MAP1LC3B: variants seen among roughly 807,000 people sequenced by gnomAD.
MAP1LC3B encodes the protein microtubule-associated protein 1 light chain 3 beta.
Under a neutral mutation model 16.7 loss-of-function variants are expected in MAP1LC3B, and 12 were observed. That is an observed-to-expected ratio of 0.72 (90% CI 0.46 to 1.16). The LOEUF (loss-of-function observed/expected upper bound fraction) is 1.16. MAP1LC3B is among the 50% of genes most tolerant of loss of function. The pLI is 0.00. For synonymous variants in MAP1LC3B, 63 were observed against 56.5 expected (o/e 1.11, Z -0.51); for missense variants, 155 against 159.5 (o/e 0.97, Z 0.15).
intron 1 of MAP1LC3B, among the ~76,000 whole-genome samples, chr16:87,395,072 C>G (rs1357201973): frequency 6.6e-6 from 1 of 152,134 alleles, no homozygotes; most frequent in Non-Finnish European, 1.5e-5. Flanking sequence ...TTCAGTTTCT[C>G]TCTGAGAAGT....
At chr16:87,398,925 G>A (rs987629873) in intron 2 of MAP1LC3B, 55 bp downstream of exon 2, 22 of 1,452,134 alleles carry the variant, frequency 1.5e-5, no homozygotes, top group African/African-American at 5.6e-5. Context: ...GGAGAGCACC[G>A]CATAAGTGCA....
At chr16:87,394,205 T>G (rs1907719443) in intron 1 of MAP1LC3B, among the ~76,000 whole-genome samples, 1 of 152,176 alleles carries the variant, frequency 6.6e-6, no homozygotes, top group Non-Finnish European at 1.5e-5. Context: ...AAATATCTCT[T>G]TAATAGTCAC....
intron 3 of MAP1LC3B, chr16:87,402,613 G>C: frequency 1.9e-6 from 1 of 536,742 alleles, no homozygotes; most frequent in East Asian, 3.2e-5. Context: ...GTGAGTGGCA[G>C]TAAATGGCAC....
intron 2 of MAP1LC3B, chr16:87,400,017 C>T (rs879439332): frequency 6.1e-5 from 10 of 164,440 alleles, no homozygotes; most frequent in Admixed American, 5.7e-4. Context: ...CATGATCCGC[C>T]CACCTCGGCC....
intron 1 of MAP1LC3B, among the ~76,000 whole-genome samples, chr16:87,395,603 G>T (rs1033936199): frequency 6.6e-6 from 1 of 152,206 alleles, no homozygotes; most frequent in Non-Finnish European, 1.5e-5. Context: ...CAGCCAGTTA[G>T]TTACTCCAGG....
intron 2 of MAP1LC3B, chr16:87,399,116 C>A (rs1567500276): frequency 2.0e-6 from 1 of 500,268 alleles, no homozygotes; most frequent in Non-Finnish European, 3.6e-6. Context: ...AAGCAGTCCT[C>A]CCTCCTCAGC....
At chr16:87,396,380 G>T (rs1368116218) in intron 1 of MAP1LC3B, among the ~76,000 whole-genome samples, 2 of 151,596 alleles carry the variant, frequency 1.3e-5, no homozygotes, top group African/African-American at 4.8e-5. Context: ...GATGCTGAGG[G>T]AGGAGAATGG....
Position 87,394,442 on chromosome 16 carries a change from C to T in MAP1LC3B, c.40+1975C>T, listed in dbSNP as rs570115997. Among the ~76,000 whole-genome samples the T allele has an allele frequency of 2.3e-3, 350 of 152,324 alleles. 1 individual carries two copies. The highest frequency in any genetic ancestry group is 8.0e-3 in the African/African-American group (334 of 41,568). On this transcript the variant is annotated intron_variant, in intron 1 of 3. Coordinates refer to ENST00000268607, the MANE Select transcript of MAP1LC3B (RefSeq NM_022818.5). ...CCCCAGTTAGCTTGAGTGGTGTTTT[C>T]TCTTTCCAAGTGAGTGAGTTTAAGG...
At chr16:87,398,912 A>G (rs751437781) in intron 2 of MAP1LC3B, 42 bp downstream of exon 2, 2 of 1,556,630 alleles carry the variant, frequency 1.3e-6, no homozygotes, top group South Asian at 2.2e-5. Context: ...GAATGTACGC[A>G]GAGGAGAGCA....
At chr16:87,402,696 TC>T (rs1319986378) in intron 3 of MAP1LC3B, 12 of 604,890 alleles carry the variant, frequency 2.0e-5, no homozygotes, top group Non-Finnish European at 2.6e-5. Flanking sequence ...TAACAGCTGT[TC>T]AGACAGTATA....
intron 2 of MAP1LC3B, chr16:87,400,258 A>C (rs1454046870): frequency 1.3e-5 from 2 of 149,342 alleles, no homozygotes; most frequent in Non-Finnish European, 3.0e-5. Context: ...GCTCACTGCA[A>C]GCTCCACCTC....
rs145549507 is a variant in MAP1LC3B at position 87,392,336 on chromosome 16, A to T, written c.-92A>T. On this transcript the variant is annotated 5_prime_UTR_variant, in exon 1 of 4. Coordinates refer to ENST00000268607, the MANE Select transcript of MAP1LC3B (RefSeq NM_022818.5). The stretch of plus-strand genomic sequence containing the variant: ...AGATACAAGGGAAGTGGCTATCGCC[A>T]GAGTCGGATTCGCCGCCGCAGCAGC... The T allele has an allele frequency of 4.7e-6, 6 of 1,266,550 alleles. No individual in the cohort carries two copies. Among genetic ancestry groups the T allele is most frequent in the African/African-American group, 1.6e-5 (1 of 62,658 alleles). The allele number at this position is 1,266,550 out of a possible 1,614,324, so 78.5% of individuals were successfully genotyped here.
In MAP1LC3B at chr16:87,392,353, C is replaced by T. The variant is rs1337562370; in HGVS notation, c.-75C>T. ...CTATCGCCAGAGTCGGATTCGCCGC[C>T]GCAGCAGCCGCCGCCCCCGGGAGCC... On this transcript the variant is annotated 5_prime_UTR_variant, in exon 1 of 4. Coordinates refer to ENST00000268607, the MANE Select transcript of MAP1LC3B (RefSeq NM_022818.5). 29 of 1,344,276 alleles carry T rather than the reference C, an allele frequency of 2.2e-5. No homozygotes were observed. Among genetic ancestry groups the T allele is most frequent in the African/African-American group, 3.1e-5 (2 of 64,428 alleles). 83.3% of individuals were successfully genotyped at this position (1,344,276 alleles called of 1,614,324 possible).
At chr16:87,401,718 C>T (rs1213192545) in intron 2 of MAP1LC3B, among the ~76,000 whole-genome samples, 1 of 152,056 alleles carries the variant, frequency 6.6e-6, no homozygotes, top group Non-Finnish European at 1.5e-5. Context: ...TTAGTAGAGT[C>T]GGGGTTTTGC....
intron 1 of MAP1LC3B, among the ~76,000 whole-genome samples, chr16:87,394,233 A>G (rs1393402222): frequency 4.6e-5 from 7 of 152,032 alleles, no homozygotes; most frequent in Admixed American, 2.6e-4. Context: ...AAATGTGTCA[A>G]ATATCTTAAC....
chr16:87,395,852 CTTTTTTTTTTTTTTTT>C lies in MAP1LC3B; in HGVS notation c.41-2952_41-2937del, dbSNP rs72388667. ...ATAGAGCCTGTTTTTTCCTTCTTTC[CTTTTTTTTTTTTTTTT>C]TTTTTTTTTTGAGACAGGATCTCGC... On this transcript the variant is annotated intron_variant, in intron 1 of 3. Coordinates refer to ENST00000268607, the MANE Select transcript of MAP1LC3B (RefSeq NM_022818.5). 3.7e-5 allele frequency among the ~76,000 whole-genome samples: 2 copies of C among 53,836 alleles called. 1 individual carries two copies. Among genetic ancestry groups the C allele is most frequent in the African/African-American group, 1.6e-4 (2 of 12,734 alleles). 35.3% of individuals were successfully genotyped at this position (53,836 alleles called of 152,430 possible).
chr16:87,396,263 C>G (rs375067706), intron 1 of MAP1LC3B, among the ~76,000 whole-genome samples: 20 of 151,824 alleles, frequency 1.3e-4, no homozygotes, highest in East Asian at 7.9e-4. Flanking sequence ...ATCACAAGGT[C>G]AGGAGATTGA....
intron 1 of MAP1LC3B, among the ~76,000 whole-genome samples, chr16:87,397,568 A>T (rs1286293852): frequency 6.6e-6 from 1 of 152,220 alleles, no homozygotes; most frequent in Non-Finnish European, 1.5e-5. Context: ...CAGTGAGCGG[A>T]GATTGCAGCA....
In MAP1LC3B at chr16:87,399,550, T is replaced by C. The variant is rs750201031; in HGVS notation, c.96+680T>C. ...AGCATTTTTCTTTCCCAAAGAAGCA[T>C]GTAAAGATTTCCCATTCCTGCCACT... On this transcript the variant is annotated intron_variant, in intron 2 of 3. Coordinates refer to ENST00000268607, the MANE Select transcript of MAP1LC3B (RefSeq NM_022818.5). The C allele has an allele frequency of 5.4e-5, 24 of 448,064 alleles. 1 individual carries two copies. The highest frequency in any genetic ancestry group is 3.8e-4 in the South Asian group (24 of 62,888). The allele number at this position is 448,064 out of a possible 1,614,324, so 27.8% of individuals were successfully genotyped here. A position where few individuals can be genotyped will look rare whatever the true frequency, so the allele number is the denominator to read the frequency against.
Sources: gnomAD v4.1 joint callset for allele counts (sites outside exome capture counted in the v4.1 genomes callset) on GRCh38, gnomAD v4.1.1 for gene constraint, MANE v1.5 for transcripts, NCBI Gene and HGNC (gene_info 2026-07-23, HGNC 2026-07-21) for gene names.